The following PPP5C variants were observed in gnomAD, a reference collection of about 807,000 sequenced individuals.
PPP5C encodes protein phosphatase 5 catalytic subunit.
In PPP5C, 21 loss-of-function variants were observed where a neutral mutation model predicts 66.7. The observed-to-expected ratio is 0.31, with a 90% CI of 0.22 to 0.45. PPP5C has a LOEUF of 0.45. PPP5C is among the 20% of genes least tolerant of loss of function. The probability of loss-of-function intolerance (pLI) is 1.00; values close to 1 mark genes in which losing one functional copy is unlikely to be tolerated. For synonymous variants in PPP5C, 246 were observed against 257.4 expected (o/e 0.96, Z 0.43); for missense variants, 464 against 675.9 (o/e 0.69, Z 3.48).
rs768271545 is a variant in PPP5C at position 46,383,913 on chromosome 19, T to TCCACCC, written c.798+39_798+44dup. The TCCACCC allele has an allele frequency of 4.0e-6, 6 of 1,486,762 alleles. No individual in the cohort carries two copies. In the African/African-American group the frequency reaches 8.4e-5, roughly 21 times the overall value. 92.1% of individuals were successfully genotyped at this position (1,486,762 alleles called of 1,614,324 possible). On this transcript the variant is annotated intron_variant, in intron 6 of 12. Coordinates refer to ENST00000012443, the MANE Select transcript of PPP5C (RefSeq NM_006247.4). The surrounding 1 kb of genome is among the most constrained non-coding windows in gnomAD (Gnocchi z 5.0). The stretch of plus-strand genomic sequence containing the variant: ...TCAGCAGAGCCACCCTCTCCCCACC[T>TCCACCC]CCACCCCCAGCCGCAGCCTCAGGTC...
chr19:46,387,858 G>T, intron 9 of PPP5C: 1 of 717,568 alleles, frequency 1.4e-6, no homozygotes, highest in Middle Eastern at 5.5e-4. Context: ...CTGGTGCTGG[G>T]TGCTCAGGAA....
rs549774530 is a variant in PPP5C at position 46,363,371 on chromosome 19, C to A, written c.363+9382C>A. 5.0e-3 allele frequency among the ~76,000 whole-genome samples: 505 copies of A among 100,142 alleles called. 7 individuals carry two copies. Among genetic ancestry groups the A allele is most frequent in the South Asian group, 0.029 (54 of 1,890 alleles). The allele number at this position is 100,142 out of a possible 152,430, so 65.7% of individuals were successfully genotyped here. A position where few individuals can be genotyped will look rare whatever the true frequency, so the allele number is the denominator to read the frequency against. On this transcript the variant is annotated intron_variant, in intron 2 of 12. Transcript: ENST00000012443. Reference sequence around the variant, plus strand: ...AACAATTTTAAACTAGTTTTATTTGCCAAAAGATTTACTGATTTACTCAGG... The same window carrying A: ...AACAATTTTAAACTAGTTTTATTTGACAAAAGATTTACTGATTTACTCAGG...
intron 2 of PPP5C, among the ~76,000 whole-genome samples, chr19:46,371,023 A>G (rs1972581683): frequency 6.6e-6 from 1 of 152,150 alleles, no homozygotes; most frequent in Non-Finnish European, 1.5e-5. Context: ...TACAGGCGTG[A>G]GCCACCACGT....
intron 1 of PPP5C, among the ~76,000 whole-genome samples, chr19:46,352,154 C>T (rs746285493): frequency 6.6e-5 from 10 of 152,166 alleles, no homozygotes; most frequent in Non-Finnish European, 1.0e-4. Flanking sequence ...GTGTCCCCTC[C>T]GAGCTGCCCC....
At chr19:46,379,033 G>A (rs191218483) in intron 4 of PPP5C, among the ~76,000 whole-genome samples, 15 of 152,146 alleles carry the variant, frequency 9.9e-5, no homozygotes, top group Admixed American at 3.3e-4. Flanking sequence ...ACAGGCACAC[G>A]CCACTATACC....
chr19:46,356,236 C>T (rs1972284743), intron 2 of PPP5C, among the ~76,000 whole-genome samples: 1 of 152,212 alleles, frequency 6.6e-6, no homozygotes, highest in Non-Finnish European at 1.5e-5. Flanking sequence ...GGGGGCTCTC[C>T]CAGCAGCATT....
chr19:46,356,318 GCTC>G, intron 2 of PPP5C, among the ~76,000 whole-genome samples: 1 of 152,372 alleles, frequency 6.6e-6, no homozygotes. Flanking sequence ...CTTCAGCCTT[GCTC>G]CTTTCTGCGC....
At chr19:46,372,275 C>T (rs552810377) in intron 2 of PPP5C, among the ~76,000 whole-genome samples, 1 of 152,220 alleles carries the variant, frequency 6.6e-6, no homozygotes, top group East Asian at 1.9e-4. Context: ...ACAATCATGA[C>T]TCACTGCAGC....
At chr19:46,367,876 G>A (rs1216059528) in intron 2 of PPP5C, among the ~76,000 whole-genome samples, 1 of 152,202 alleles carries the variant, frequency 6.6e-6, no homozygotes, top group African/African-American at 2.4e-5. Context: ...GCCTGGTGAT[G>A]AATGGAGTTT....
intron 4 of PPP5C, chr19:46,381,818 G>T: frequency 6.6e-6 from 1 of 152,208 alleles, no homozygotes; most frequent in Middle Eastern, 3.2e-3. Flanking sequence ...GGGGCTGTGT[G>T]AACCTCATCT....
intron 1 of PPP5C, among the ~76,000 whole-genome samples, chr19:46,351,789 A>G (rs1335761171): frequency 2.0e-5 from 3 of 152,164 alleles, no homozygotes; most frequent in African/African-American, 4.8e-5. Context: ...CTCTGGAGGG[A>G]CACACTCATT....
rs372010069 is a variant in PPP5C, at chr19:46,383,370, G to C, written c.634-41G>C. On this transcript the variant is annotated intron_variant, in intron 4 of 12. Transcript: ENST00000012443. This position sits in a 1 kb window ranked among gnomAD's most constrained non-coding sequence, Gnocchi z 5.0. ...GCTTTCGGGGCCAGGTTGGGCAGCA[G>C]CCCCTGCAGCCGGTCCCACTGAGTC... The C allele has an allele frequency of 1.3e-6, 2 of 1,596,244 alleles. No individual in the cohort carries two copies. The highest frequency in any genetic ancestry group is 1.7e-6 in the Non-Finnish European group (2 of 1,171,928).
chr19:46,370,056 A>C lies in PPP5C; in HGVS notation c.364-5548A>C, dbSNP rs905705410. Among the ~76,000 whole-genome samples the C allele has an allele frequency of 5.9e-5, 9 of 152,280 alleles. No homozygotes were observed. The South Asian group carries it at 1.2e-3, about 21-fold the overall frequency. ...TGGTGAGTGAATGTAAGGCTAGGAC[A>C]GTAATGTGTATGTCTGTAGGCTTCA... On this transcript the variant is annotated intron_variant, in intron 2 of 12. Coordinates refer to ENST00000012443, the MANE Select transcript of PPP5C (RefSeq NM_006247.4).
At chr19:46,349,149 T>A (rs1009990779) in intron 1 of PPP5C, among the ~76,000 whole-genome samples, 1 of 151,964 alleles carries the variant, frequency 6.6e-6, no homozygotes, top group African/African-American at 2.4e-5. Flanking sequence ...AAAAAATTAG[T>A]TGGGTGTGGT....
chr19:46,355,038 G>C (rs1257181743), intron 2 of PPP5C, among the ~76,000 whole-genome samples: 3 of 152,238 alleles, frequency 2.0e-5, no homozygotes, highest in Non-Finnish European at 4.4e-5. Flanking sequence ...CGTGGGAACT[G>C]GGATTACTCC....
intron 2 of PPP5C, among the ~76,000 whole-genome samples, chr19:46,356,658 T>TA (rs1467728199): frequency 6.6e-6 from 1 of 152,230 alleles, no homozygotes; most frequent in African/African-American, 2.4e-5. Context: ...TCCATGCTTG[T>TA]AACTGTTTCT....
chr19:46,370,722 A>C (rs1972574628), intron 2 of PPP5C, among the ~76,000 whole-genome samples: 1 of 150,228 alleles, frequency 6.7e-6, no homozygotes. Flanking sequence ...ATCATTATAC[A>C]GCTCATGACT....
rs536351628 is a variant in PPP5C, at chr19:46,388,527, T to C, written c.1177-26T>C. ...GAGGCAGACAGTCACCCTGAACCCC[T>C]GTCTCTCCCTTCTGCCCACCCTCAG... is the stretch of plus-strand genomic sequence containing the variant. On this transcript the variant is annotated intron_variant, in intron 10 of 12. Coordinates refer to ENST00000012443, the MANE Select transcript of PPP5C (RefSeq NM_006247.4). This position sits in a 1 kb window ranked among gnomAD's most constrained non-coding sequence, Gnocchi z 4.9. The C allele has an allele frequency of 8.1e-6, 13 of 1,612,006 alleles. No individual in the cohort carries two copies. The African/African-American group carries it at 9.3e-5, about 12-fold the overall frequency.
chr19:46,360,269 T>C (rs1972360619), intron 2 of PPP5C, among the ~76,000 whole-genome samples: 1 of 152,112 alleles, frequency 6.6e-6, no homozygotes, highest in Non-Finnish European at 1.5e-5. Context: ...TTTTTAGAAA[T>C]CTGTACAATT....
Sources: allele counts gnomAD v4.1 joint callset (sites outside exome capture counted in the v4.1 genomes callset), GRCh38; gene constraint gnomAD v4.1.1; non-coding constraint Gnocchi (gnomAD v3.1); transcripts MANE v1.5; gene names NCBI Gene and HGNC (gene_info 2026-07-23, HGNC 2026-07-21).